UBR2: variants seen among roughly 807,000 people sequenced by gnomAD.
UBR2 encodes the protein ubiquitin protein ligase E3 component n-recognin 2.
A neutral mutation model predicts 247.9 loss-of-function variants in UBR2; 92 were observed. That is an observed-to-expected ratio of 0.37 (90% CI 0.31 to 0.44). The LOEUF (loss-of-function observed/expected upper bound fraction) is 0.44, where lower values mean the gene tolerates loss of function less well. Ranked by LOEUF, UBR2 falls within the 20% of genes least tolerant of loss-of-function variation. The pLI is 1.00. For synonymous variants in UBR2, 672 were observed against 693.5 expected (o/e 0.97, Z 0.49); for missense variants, 1,613 against 2,112.6 (o/e 0.76, Z 4.64).
Position 42,659,137 on chromosome 6 carries a change from A to G in UBR2, c.3242+313A>G, listed in dbSNP as rs187221605. 6.6e-6 allele frequency among the ~76,000 whole-genome samples: 1 copy of G among 152,254 alleles called. No homozygotes were observed. Among genetic ancestry groups the G allele is most frequent in the Admixed American group, 6.5e-5 (1 of 15,282 alleles). ...GAAGATTAGATTACTGTGAGGATTA[A>G]AGGAGATGGTTTTGATACATACCAA... is the stretch of plus-strand genomic sequence containing the variant. On this transcript the variant is annotated intron_variant, in intron 29 of 46. Transcript: ENST00000372901. The surrounding 1 kb of genome is among the most constrained non-coding windows in gnomAD (Gnocchi z 4.3).
intron 1 of UBR2, among the ~76,000 whole-genome samples, chr6:42,566,159 A>G (rs887410484): frequency 2.0e-5 from 3 of 151,926 alleles, no homozygotes; most frequent in African/African-American, 7.3e-5. Flanking sequence ...ATCCCATTCT[A>G]AAAGTGCAAA....
rs182577093 is a variant in UBR2, at chr6:42,668,532, C to T, written c.3882-1560C>T. Among the ~76,000 whole-genome samples the T allele has an allele frequency of 1.3e-3, 198 of 152,096 alleles. 1 individual carries two copies. Among genetic ancestry groups the T allele is most frequent in the South Asian group, 4.2e-4 (2 of 4,810 alleles). On this transcript the variant is annotated intron_variant, in intron 34 of 46. Transcript: ENST00000372901. The stretch of plus-strand genomic sequence containing the variant: ...TCAGTTCACTGCAACCTCTGCATCC[C>T]GGATTCAAGCGATTCTCCTGTCTCA...
In UBR2 at chr6:42,667,587, C is replaced by CTTTTT. The variant is rs1161068427; in HGVS notation, c.3881+1362_3881+1366dup. Among the ~76,000 whole-genome samples, 59 of 47,414 alleles carry CTTTTT rather than the reference C, an allele frequency of 1.2e-3. 2 individuals carry two copies. Among genetic ancestry groups the CTTTTT allele is most frequent in the East Asian group, 1.7e-3 (2 of 1,192 alleles). The allele number at this position is 47,414 out of a possible 152,430, so 31.1% of individuals were successfully genotyped here. On this transcript the variant is annotated intron_variant, in intron 34 of 46. Coordinates refer to ENST00000372901, the MANE Select transcript of UBR2 (RefSeq NM_001363705.2). ...TATTTCCTTTCTTGTACAGTTTTGT[C>CTTTTT]TTTTTTTTTTTTTTTTTTTTTTTTG...
At chr6:42,583,996 T>TGG (rs1444015322) in intron 2 of UBR2, among the ~76,000 whole-genome samples, 1 of 16,782 alleles carries the variant, frequency 6.0e-5, no homozygotes, top group East Asian at 9.3e-4. Flanking sequence ...CATTGAATTT[T>TGG]TTTTTTTTTT....
At chr6:42,595,983 T>C (rs181795679) in intron 4 of UBR2, among the ~76,000 whole-genome samples, 282 of 151,610 alleles carry the variant, frequency 1.9e-3, no homozygotes, top group South Asian at 6.3e-3. Context: ...GGGTTCTGTA[T>C]GTAGAAATAC....
chr6:42,687,557 T>C (rs1338397983), intron 44 of UBR2, among the ~76,000 whole-genome samples: 2 of 151,888 alleles, frequency 1.3e-5, no homozygotes, highest in South Asian at 2.1e-4. Flanking sequence ...TATTTATTTA[T>C]TGAGACAGGG....
At chr6:42,565,674 CCT>C (rs1790737940) in intron 1 of UBR2, among the ~76,000 whole-genome samples, 1 of 152,130 alleles carries the variant, frequency 6.6e-6, no homozygotes, top group African/African-American at 2.4e-5. Flanking sequence ...GATTCTGCTG[CCT>C]CAGCCCCTCG....
At chr6:42,651,970 T>TGTG in intron 23 of UBR2, 53 bp from the exon 24 acceptor site, 1 of 1,501,076 alleles carries the variant, frequency 6.7e-7, no homozygotes, top group East Asian at 2.4e-5. Flanking sequence ...ATTAACCAGG[T>TGTG]GTGGTGGTGG....
In UBR2 at chr6:42,564,329, G is replaced by A; in HGVS notation, c.10G>A (p.Glu4Lys). ...AGGAGGAGGAGAGAAGATGGCGTCG[G>A]AGCTAGAGCCAGAGGTGCAGGCCAT... is the stretch of plus-strand genomic sequence containing the variant. The part of the protein sequence containing the change: MAS[E>K]LEPEVQAIDR... The change falls in exon 1 of 47, where the codon GAG becomes AAG. Residue 4 changes from glutamate to lysine, a missense_variant. Physicochemically the swap from Glu to Lys is moderately conservative, Grantham distance 56. Coordinates refer to ENST00000372901, the MANE Select transcript of UBR2 (RefSeq NM_001363705.2). 1 of 1,611,254 alleles carries A rather than the reference G, an allele frequency of 6.2e-7. No individual in the cohort carries two copies. Among genetic ancestry groups the A allele is most frequent in the Non-Finnish European group, 8.5e-7 (1 of 1,179,030 alleles).
chr6:42,583,499 G>A (rs965314225), intron 2 of UBR2, among the ~76,000 whole-genome samples: 3 of 150,102 alleles, frequency 2.0e-5, no homozygotes, highest in Non-Finnish European at 4.4e-5. Flanking sequence ...CACCCGCCTA[G>A]GCCTTCCAAA....
chr6:42,653,614 T>G (rs1430849962), intron 25 of UBR2, among the ~76,000 whole-genome samples: 46 of 131,494 alleles, frequency 3.5e-4, no homozygotes, highest in South Asian at 8.2e-4. Context: ...CCCTTTTTTT[T>G]TTTTTTTTTT....
chr6:42,671,095 C>T (rs938801038), intron 36 of UBR2, among the ~76,000 whole-genome samples: 1 of 148,870 alleles, frequency 6.7e-6, no homozygotes, highest in African/African-American at 2.5e-5. Context: ...AGAGGCAAGA[C>T]AATCGCTTGA....
intron 15 of UBR2, among the ~76,000 whole-genome samples, chr6:42,639,960 G>A (rs1248829832): frequency 6.6e-6 from 1 of 152,058 alleles, no homozygotes; most frequent in South Asian, 2.1e-4. Flanking sequence ...CCCGGGAGGC[G>A]GAGCTTGCAG....
intron 11 of UBR2, among the ~76,000 whole-genome samples, chr6:42,624,085 T>G (rs1164902381): frequency 2.0e-5 from 3 of 152,098 alleles, no homozygotes; most frequent in Non-Finnish European, 4.4e-5. Flanking sequence ...TATTCTGTTT[T>G]CTGGAAAATT....
intron 24 of UBR2, 48 bp downstream of exon 24, chr6:42,652,119 T>TA: frequency 6.6e-7 from 1 of 1,517,016 alleles, no homozygotes; most frequent in Non-Finnish European, 8.9e-7. Flanking sequence ...TTTTGCTTGT[T>TA]AAACATTGTT....
chr6:42,679,141 A>G (rs980721413), intron 41 of UBR2, among the ~76,000 whole-genome samples: 85 of 152,302 alleles, frequency 5.6e-4, no homozygotes, highest in African/African-American at 2.0e-3. Context: ...GTTTTGATTC[A>G]TTTCATAAAA....
In UBR2 at chr6:42,564,141, C is replaced by T; in HGVS notation, c.-179C>T. 1 of 659,962 alleles carries T rather than the reference C, an allele frequency of 1.5e-6. No individual in the cohort carries two copies. The highest frequency in any genetic ancestry group is 2.5e-6 in the Non-Finnish European group (1 of 400,228). 40.9% of individuals were successfully genotyped at this position (659,962 alleles called of 1,614,324 possible). A position where few individuals can be genotyped will look rare whatever the true frequency, so the allele number is the denominator to read the frequency against. ...AAGCTTGGGAGGGAGCGCAGGAGGC[C>T]GCTGTCCTTCCTTTCCGGTTCACGT... On this transcript the variant is annotated 5_prime_UTR_variant, in exon 1 of 47. Transcript: ENST00000372901.
chr6:42,564,051 G>A lies in UBR2; in HGVS notation c.-269G>A, dbSNP rs1421571394. The A allele has an allele frequency of 7.9e-6, 4 of 507,788 alleles. No individual in the cohort carries two copies. Among genetic ancestry groups the A allele is most frequent in the Non-Finnish European group, 1.4e-5 (4 of 289,288 alleles). 31.5% of individuals were successfully genotyped at this position (507,788 alleles called of 1,614,324 possible). On this transcript the variant is annotated 5_prime_UTR_variant, in exon 1 of 47. Coordinates refer to ENST00000372901, the MANE Select transcript of UBR2 (RefSeq NM_001363705.2). ...GCGGTAGTGGCCAGCGAGAGTGTCA[G>A]GCCTGGGGTTTTCTGTGTCCTTCCC...
At chr6:42,678,800 A>T in intron 41 of UBR2, 131 bp downstream of exon 41, 1 of 992,118 alleles carries the variant, frequency 1.0e-6, no homozygotes, top group South Asian at 1.8e-5. Context: ...GGTGATGTAC[A>T]CATTTATAGC....
Sources: gnomAD v4.1 joint callset for allele counts (sites outside exome capture counted in the v4.1 genomes callset) on GRCh38, gnomAD v4.1.1 for gene constraint, Gnocchi (gnomAD v3.1) non-coding constraint, MANE v1.5 for transcripts, NCBI Gene and HGNC (gene_info 2026-07-23, HGNC 2026-07-21) for gene names.